WASF2: variants seen among roughly 807,000 people sequenced by gnomAD.
WASF2 encodes WASP family member 2.
Under a neutral mutation model 45.0 loss-of-function variants are expected in WASF2, and 14 were observed. The ratio of observed to expected loss-of-function variants is 0.31; its 90% CI spans 0.21 to 0.49. WASF2 has a LOEUF of 0.49. WASF2 is among the 20% of genes least tolerant of loss of function. The probability of loss-of-function intolerance (pLI) is 0.99; values close to 1 mark genes in which losing one functional copy is unlikely to be tolerated. For synonymous variants in WASF2, 200 were observed against 236.3 expected, an observed-to-expected ratio of 0.85 and a Z score of 1.41; for missense variants, 439 against 636.1, an observed-to-expected ratio of 0.69 and a Z score of 3.33.
chr1:27,432,686 T>G (rs2017083115), intron 1 of WASF2, among the ~76,000 whole-genome samples: 1 of 151,108 alleles, frequency 6.6e-6, no homozygotes, highest in South Asian at 2.1e-4. Flanking sequence ...CAGTTATTTG[T>G]GGTTCCACAG....
intron 8 of WASF2, among the ~76,000 whole-genome samples, chr1:27,409,373 C>T (rs563528375): frequency 1.4e-4 from 19 of 131,774 alleles, no homozygotes; most frequent in Non-Finnish European, 2.9e-4. Flanking sequence ...TGCAGTGAGC[C>T]GAGATCGAGC....
chr1:27,458,998 C>T (rs1248099410), intron 1 of WASF2, among the ~76,000 whole-genome samples: 1 of 149,966 alleles, frequency 6.7e-6, no homozygotes, highest in Non-Finnish European at 1.5e-5. Flanking sequence ...AGGTGGCAGG[C>T]GCCTGTAATC....
intron 1 of WASF2, among the ~76,000 whole-genome samples, chr1:27,443,700 A>C (rs907951609): frequency 6.6e-6 from 1 of 152,210 alleles, no homozygotes; most frequent in Non-Finnish European, 1.5e-5. Flanking sequence ...GCCACTAGCT[A>C]TATGACCTTA....
intron 7 of WASF2, among the ~76,000 whole-genome samples, chr1:27,411,839 G>A (rs779876168): frequency 2.0e-5 from 3 of 152,114 alleles, no homozygotes; most frequent in Non-Finnish European, 2.9e-5. Flanking sequence ...CTCCAGCCTG[G>A]GTGACAGAGT....
At chr1:27,474,745 T>C (rs545724776) in intron 1 of WASF2, among the ~76,000 whole-genome samples, 1 of 151,354 alleles carries the variant, frequency 6.6e-6, no homozygotes, top group East Asian at 2.0e-4. Context: ...GCCCTCCAGC[T>C]TGGGCAACAG....
At chr1:27,473,056 C>A (rs897002828) in intron 1 of WASF2, among the ~76,000 whole-genome samples, 1 of 150,618 alleles carries the variant, frequency 6.6e-6, no homozygotes, top group Non-Finnish European at 1.5e-5. Context: ...AGACAACCCA[C>A]AGAATGGGAG....
chr1:27,470,164 G>A (rs888708300), intron 1 of WASF2, among the ~76,000 whole-genome samples: 4 of 152,210 alleles, frequency 2.6e-5, no homozygotes, highest in African/African-American at 7.2e-5. Flanking sequence ...GAAGATGAGC[G>A]CATTATTGCG....
intron 1 of WASF2, among the ~76,000 whole-genome samples, chr1:27,487,566 ATATATAATATATATTATATATATTT>A (rs1557626517): frequency 1.3e-4 from 13 of 98,400 alleles, no homozygotes; most frequent in Middle Eastern, 4.3e-3. Flanking sequence ...ATTTTATACA[ATATATAATATATATTATATATATTT>A]TATATAATAT....
intron 1 of WASF2, among the ~76,000 whole-genome samples, chr1:27,439,456 A>G (rs1489267486): frequency 1.3e-5 from 2 of 152,204 alleles, no homozygotes; most frequent in Non-Finnish European, 2.9e-5. Flanking sequence ...TTCAGGTCGT[A>G]TTAATGGTTA....
chr1:27,476,780 A>T (rs931924975), intron 1 of WASF2, among the ~76,000 whole-genome samples: 1 of 152,348 alleles, frequency 6.6e-6, no homozygotes, highest in East Asian at 1.9e-4. Flanking sequence ...GAAATTATCT[A>T]GAAAAAACAA....
chr1:27,428,641 T>C (rs2017018858), intron 2 of WASF2, 120 bp downstream of exon 2: 1 of 1,481,154 alleles, frequency 6.8e-7, no homozygotes, highest in African/African-American at 1.4e-5. Context: ...GGAGGATACA[T>C]TTTCGCATTA....
At chr1:27,424,521 C>A (rs903387514) in intron 2 of WASF2, among the ~76,000 whole-genome samples, 2 of 120,416 alleles carry the variant, frequency 1.7e-5, no homozygotes, top group African/African-American at 5.3e-5. Context: ...ATGATTTCTA[C>A]CTTCAACAAT....
chr1:27,480,785 C>A (rs2017836681), intron 1 of WASF2, among the ~76,000 whole-genome samples: 1 of 151,846 alleles, frequency 6.6e-6, no homozygotes, highest in African/African-American at 2.4e-5. Flanking sequence ...GAGGCCGAGG[C>A]GGGTGGAGGT....
At chr1:27,418,484 A>G (rs2016856611) in intron 3 of WASF2, 62 bp from the exon 4 acceptor site, 1 of 1,606,890 alleles carries the variant, frequency 6.2e-7, no homozygotes, top group African/African-American at 1.3e-5. Flanking sequence ...ACACTGAGTC[A>G]CACCAGTCGG....
Position 27,419,812 on chromosome 1 carries a change from T to C in WASF2, c.131-724A>G, listed in dbSNP as rs1317080125. 3.9e-5 allele frequency among the ~76,000 whole-genome samples: 6 copies of C among 152,326 alleles called. No individual in the cohort carries two copies. In the East Asian group the frequency reaches 9.6e-4, roughly 24 times the overall value. ...ACAACTATGATCAGTTGTGTTATCT[T>C]TGAGGGGCCCTGAGCTTATCAACAA... On this transcript the variant is annotated intron_variant, in intron 2 of 8. Transcript: ENST00000618852.
chr1:27,423,786 G>A (rs1265628188), intron 2 of WASF2, among the ~76,000 whole-genome samples: 4 of 152,136 alleles, frequency 2.6e-5, no homozygotes, highest in African/African-American at 4.8e-5. Flanking sequence ...GAAATGTTAC[G>A]TGGAAGTAGA....
chr1:27,456,753 G>C (rs2017473077), intron 1 of WASF2, among the ~76,000 whole-genome samples: 1 of 136,728 alleles, frequency 7.3e-6, no homozygotes, highest in Non-Finnish European at 1.6e-5. Context: ...TTTTTTTTTG[G>C]AGACAGAGTC....
intron 7 of WASF2, among the ~76,000 whole-genome samples, chr1:27,411,724 G>C (rs943093985): frequency 1.3e-5 from 2 of 152,156 alleles, no homozygotes; most frequent in Non-Finnish European, 2.9e-5. Context: ...TTAGCTGGGC[G>C]TGGTGGTGGG....
At chr1:27,441,673 G>A (rs2017231992) in intron 1 of WASF2, among the ~76,000 whole-genome samples, 2 of 143,528 alleles carry the variant, frequency 1.4e-5, no homozygotes, top group East Asian at 2.0e-4. Flanking sequence ...AGAATGGCGG[G>A]AACCTGGGAG....
Sources: gnomAD v4.1 joint callset for allele counts (sites outside exome capture counted in the v4.1 genomes callset) on GRCh38, gnomAD v4.1.1 for gene constraint, MANE v1.5 for transcripts, NCBI Gene and HGNC (gene_info 2026-07-23, HGNC 2026-07-21) for gene names.